ARHGAP6: variants seen among roughly 807,000 people sequenced by gnomAD.
The protein encoded by ARHGAP6 is Rho GTPase activating protein 6.
A neutral mutation model predicts 55.7 loss-of-function variants in ARHGAP6; 16 were observed. The observed-to-expected ratio is 0.29, with a 90% CI of 0.19 to 0.44. ARHGAP6 has a LOEUF of 0.44. Among genes scored for constraint, ARHGAP6 ranks in the 20% least tolerant of loss-of-function variants. ARHGAP6 has a pLI of 1.00. For synonymous variants in ARHGAP6, 382 were observed against 360.9 expected (o/e 1.06, Z -0.66); for missense variants, 698 against 808.9 (o/e 0.86, Z 1.66).
chrX:11,663,232 C>T (rs1266856139), intron 1 of ARHGAP6, among the ~76,000 whole-genome samples: 1 of 112,117 alleles, frequency 8.9e-6, no homozygotes, highest in Non-Finnish European at 1.9e-5. Context: ...TATTTTCAAA[C>T]GGTTTTCCTT....
chrX:11,589,230 C>T (rs1465762403), intron 1 of ARHGAP6, among the ~76,000 whole-genome samples: 5 of 106,702 alleles, frequency 4.7e-5, no homozygotes, highest in Non-Finnish European at 7.7e-5. Context: ...TTAGTGGAGA[C>T]GGGGTTTCAC....
intron 1 of ARHGAP6, among the ~76,000 whole-genome samples, chrX:11,650,604 T>C (rs1169455580): frequency 8.9e-6 from 1 of 112,357 alleles, no homozygotes; most frequent in Non-Finnish European, 1.9e-5. Context: ...TCACATTTTT[T>C]AAACTTGTAA....
At position 11,476,810 on chromosome X, in the gene ARHGAP6, T is replaced by C. The variant is rs1405150819; in HGVS notation, c.588+187431A>G. 4.5e-5 allele frequency among the ~76,000 whole-genome samples: 5 copies of C among 111,551 alleles called. No homozygotes were observed. In the South Asian group the frequency reaches 1.5e-3, roughly 33 times the overall value. ...CTGTCCCTCTACTTCACACCATATA[T>C]AAAAATGAATTCAAAATGAATCATA... On this transcript the variant is annotated intron_variant, in intron 1 of 12. Transcript: ENST00000337414.
Position 11,665,091 on chromosome X carries a change from G to A in ARHGAP6, c.-263C>T, listed in dbSNP as rs1465372434. 5 of 300,769 alleles carry A rather than the reference G, an allele frequency of 1.7e-5. No individual in the cohort carries two copies. Among genetic ancestry groups the A allele is most frequent in the African/African-American group, 1.1e-4 (4 of 36,082 alleles). 24.8% of individuals were successfully genotyped at this position (300,769 alleles called of 1,213,427 possible). On this transcript the variant is annotated 5_prime_UTR_variant, in exon 1 of 13. Coordinates refer to ENST00000337414, the MANE Select transcript of ARHGAP6 (RefSeq NM_013427.3). ...CCTGCAGCCGCTAGAACCTTCCTCC[G>A]GAGCCCAAGACGCGAAGAGGGTCAG...
chrX:11,272,696 A>C (rs1453301037), intron 1 of ARHGAP6, among the ~76,000 whole-genome samples: 1 of 111,651 alleles, frequency 9.0e-6, no homozygotes, highest in Non-Finnish European at 1.9e-5. Context: ...TTAAGTCTCC[A>C]AGCACATACA....
At chrX:11,603,021 C>T (rs1308500676) in intron 1 of ARHGAP6, among the ~76,000 whole-genome samples, 2 of 111,891 alleles carry the variant, frequency 1.8e-5, no homozygotes, top group East Asian at 2.8e-4. Context: ...TCTTAAGTCA[C>T]GGAGATTGTG....
intron 1 of ARHGAP6, among the ~76,000 whole-genome samples, chrX:11,333,363 C>T: frequency 8.9e-6 from 1 of 111,735 alleles, no homozygotes; most frequent in East Asian, 2.8e-4. Flanking sequence ...CCCTTTTGCT[C>T]AGCAAGTCTT....
intron 1 of ARHGAP6, among the ~76,000 whole-genome samples, chrX:11,303,378 A>AT (rs772523047): frequency 7.1e-5 from 8 of 112,360 alleles, no homozygotes; most frequent in Admixed American, 2.8e-4. Context: ...CTTCCAGACG[A>AT]TAAATAATTA....
intron 1 of ARHGAP6, among the ~76,000 whole-genome samples, chrX:11,345,884 G>A (rs1184842434): frequency 1.8e-5 from 2 of 111,264 alleles, no homozygotes; most frequent in East Asian, 5.5e-4. Flanking sequence ...TGTAACCCCT[G>A]CCTTTCTCTC....
chrX:11,386,465 G>A (rs1026654202), intron 1 of ARHGAP6, among the ~76,000 whole-genome samples: 2 of 111,484 alleles, frequency 1.8e-5, no homozygotes, highest in Admixed American at 9.5e-5. Flanking sequence ...CTGTCTTGTG[G>A]GAAGGGGAGA....
At chrX:11,344,693 A>G (rs2048753710) in intron 1 of ARHGAP6, among the ~76,000 whole-genome samples, 1 of 103,362 alleles carries the variant, frequency 9.7e-6, no homozygotes, top group African/African-American at 3.6e-5. Context: ...AAAAAAAAAA[A>G]AAAAAAAAAA....
intron 2 of ARHGAP6, among the ~76,000 whole-genome samples, chrX:11,236,018 C>T (rs1602933750): frequency 8.9e-6 from 1 of 111,957 alleles, no homozygotes; most frequent in African/African-American, 3.3e-5. Context: ...AAAGTTGCTT[C>T]CGCATTTTCG....
chrX:11,384,762 G>A (rs1259597295), intron 1 of ARHGAP6, among the ~76,000 whole-genome samples: 1 of 111,683 alleles, frequency 9.0e-6, no homozygotes, highest in Non-Finnish European at 1.9e-5. Context: ...TGGAGGTGGG[G>A]CTTGGGGCCT....
At chrX:11,430,776 C>G (rs779144143) in intron 1 of ARHGAP6, among the ~76,000 whole-genome samples, 1 of 111,623 alleles carries the variant, frequency 9.0e-6, no homozygotes, top group Non-Finnish European at 1.9e-5. Context: ...TATGGGGTAA[C>G]AGTGTAATTT....
At chrX:11,304,298 C>T (rs1202381109) in intron 1 of ARHGAP6, among the ~76,000 whole-genome samples, 2 of 110,502 alleles carry the variant, frequency 1.8e-5, no homozygotes, top group African/African-American at 3.3e-5. Flanking sequence ...CCATGTTGGC[C>T]AGGCTGGTCT....
chrX:11,656,454 T>C (rs752711120), intron 1 of ARHGAP6, among the ~76,000 whole-genome samples: 1 of 112,249 alleles, frequency 8.9e-6, no homozygotes, highest in African/African-American at 3.2e-5. Flanking sequence ...AGGTCAGAAG[T>C]CTCACTGAGC....
intron 5 of ARHGAP6, among the ~76,000 whole-genome samples, chrX:11,183,928 TATTA>T (rs1241328076): frequency 2.7e-5 from 3 of 112,233 alleles, no homozygotes; most frequent in East Asian, 5.6e-4. Flanking sequence ...GCATCATGTA[TATTA>T]ATTCTTTCAT....
chrX:11,479,899 TC>T (rs1403046396), intron 1 of ARHGAP6, among the ~76,000 whole-genome samples: 1 of 111,099 alleles, frequency 9.0e-6, no homozygotes, highest in East Asian at 2.8e-4. Flanking sequence ...GGCCAGGTGA[TC>T]CCCCTTCAAT....
chrX:11,300,712 C>G, intron 1 of ARHGAP6: 1 of 825,392 alleles, frequency 1.2e-6, no homozygotes, highest in African/African-American at 2.0e-5. Flanking sequence ...TTAGCAAATT[C>G]TGTAACTAAA....
Sources: allele counts gnomAD v4.1 joint callset (sites outside exome capture counted in the v4.1 genomes callset), GRCh38; gene constraint gnomAD v4.1.1; transcripts MANE v1.5; gene names NCBI Gene and HGNC (gene_info 2026-07-23, HGNC 2026-07-21).